The following GLP1R variants were observed in gnomAD, a reference collection of about 807,000 sequenced individuals.
GLP1R encodes the protein glucagon like peptide 1 receptor, also known as glucagon-like peptide 1 receptor.
In GLP1R, 32 loss-of-function variants were observed where a neutral mutation model predicts 68.4. The observed-to-expected ratio is 0.47, with a 90% CI of 0.35 to 0.63. The LOEUF is 0.63. GLP1R is among the 20% of genes least tolerant of loss of function. GLP1R has a pLI of 0.00. For missense variants in GLP1R, 502 were observed against 594.9 expected (o/e 0.84, Z 1.62); for synonymous variants, 263 against 244.4 (o/e 1.08, Z -0.71).
At chr6:39,065,603 C>A in intron 3 of GLP1R, 108 bp from the exon 4 acceptor site, 1 of 656,184 alleles carries the variant, frequency 1.5e-6, no homozygotes, top group South Asian at 1.8e-5. Flanking sequence ...GTAGTCCATT[C>A]TGGGGGAGCA....
intron 3 of GLP1R, among the ~76,000 whole-genome samples, chr6:39,063,941 ACACACACACACACACACACACC>A (rs1356248690): frequency 2.1e-5 from 3 of 141,004 alleles, no homozygotes; most frequent in East Asian, 4.3e-4. Flanking sequence ...ACACACACAC[ACACACACACACACACACACACC>A]CCACATTAAT....
chr6:39,069,547 G>T (rs1768602833), intron 5 of GLP1R, among the ~76,000 whole-genome samples: 1 of 140,222 alleles, frequency 7.1e-6, no homozygotes, highest in Admixed American at 7.4e-5. Context: ...GCAGGAGAAT[G>T]GCGTGAACCT....
rs928703482 is a variant in GLP1R at position 39,089,911 on chromosome 6, G to A, written c.*3838G>A. ...TGCTTACCCTGCTTTTGGCTCCTAC[G>A]AGGCAAACTATAAAAATTCTCAAAT... On this transcript the variant is annotated 3_prime_UTR_variant, in exon 13 of 13. Transcript: ENST00000373256. The surrounding 1 kb of genome is among the most constrained non-coding windows in gnomAD (Gnocchi z 4.1). Among the ~76,000 whole-genome samples, 3 of 152,118 alleles carry A rather than the reference G, an allele frequency of 2.0e-5. No homozygotes were observed. Among genetic ancestry groups the A allele is most frequent in the African/African-American group, 7.2e-5 (3 of 41,410 alleles).
rs1768924238 is a variant in GLP1R, at chr6:39,079,245, C to G, written c.1043+45C>G. ...TTTACTGAGGACCCTCAGCAAGTGC[C>G]CCTTTCCTTCTAGCAGAGAGAGAGA... On this transcript the variant is annotated intron_variant, in intron 10 of 12. Coordinates refer to ENST00000373256, the MANE Select transcript of GLP1R (RefSeq NM_002062.5). This position sits in a 1 kb window ranked among gnomAD's most constrained non-coding sequence, Gnocchi z 4.5. 7.7e-7 allele frequency: 1 copy of G among 1,300,486 alleles called. No homozygotes were observed. The highest frequency in any genetic ancestry group is 1.1e-6 in the Non-Finnish European group (1 of 893,824). The allele number at this position is 1,300,486 out of a possible 1,614,324, so 80.6% of individuals were successfully genotyped here. A position where few individuals can be genotyped will look rare whatever the true frequency, so the allele number is the denominator to read the frequency against.
At chr6:39,082,057 A>G (rs1769023056) in intron 12 of GLP1R, among the ~76,000 whole-genome samples, 1 of 152,194 alleles carries the variant, frequency 6.6e-6, no homozygotes, top group East Asian at 1.9e-4. Flanking sequence ...TGATTCCCAG[A>G]GACAGGGGCC....
intron 3 of GLP1R, among the ~76,000 whole-genome samples, chr6:39,065,152 C>G (rs184813856): frequency 6.6e-5 from 10 of 151,384 alleles, no homozygotes; most frequent in Admixed American, 2.0e-4. Context: ...AGGGCTGTGT[C>G]TCTCTCTCTC....
intron 2 of GLP1R, 97 bp downstream of exon 2, chr6:39,056,590 C>T: frequency 1.5e-6 from 1 of 669,248 alleles, no homozygotes; most frequent in Non-Finnish European, 2.7e-6. Context: ...GAGCCATTTG[C>T]CTCTATAGGA....
chr6:39,053,335 G>A (rs767354537), intron 1 of GLP1R, among the ~76,000 whole-genome samples: 3 of 152,220 alleles, frequency 2.0e-5, no homozygotes, highest in African/African-American at 7.2e-5. Context: ...AGGGCATGGG[G>A]TCCAAAGCTT....
chr6:39,073,824 AC>A, intron 7 of GLP1R, 55 bp downstream of exon 7: 1 of 1,510,152 alleles, frequency 6.6e-7, no homozygotes, highest in Non-Finnish European at 9.2e-7. Context: ...GGAGACCTTG[AC>A]CCCTCTTCTA....
At chr6:39,059,470 A>G (rs552268170) in intron 3 of GLP1R, among the ~76,000 whole-genome samples, 40 of 152,032 alleles carry the variant, frequency 2.6e-4, no homozygotes, top group African/African-American at 9.2e-4. Flanking sequence ...GTCTGGGCAC[A>G]CCTCTAGGGA....
chr6:39,050,195 C>T (rs1583609990), intron 1 of GLP1R, among the ~76,000 whole-genome samples: 1 of 152,268 alleles, frequency 6.6e-6, no homozygotes, highest in East Asian at 1.9e-4. Context: ...ACCTTCCTCA[C>T]AGCGCCCCCA....
Position 39,090,939 on chromosome 6 carries a change from C to A in GLP1R, c.*4866C>A, listed in dbSNP as rs1052344924. On this transcript the variant is annotated 3_prime_UTR_variant, in exon 13 of 13. Transcript: ENST00000373256. ...AGTTTACACTTTACCTCCAAACCTGCAGTTCTAAGCTACTCCACTAAAATA... is the reference window on the plus strand; with the variant it reads ...AGTTTACACTTTACCTCCAAACCTGAAGTTCTAAGCTACTCCACTAAAATA... 6.6e-6 allele frequency among the ~76,000 whole-genome samples: 1 copy of A among 152,166 alleles called. No homozygotes were observed. The highest frequency in any genetic ancestry group is 1.5e-5 in the Non-Finnish European group (1 of 68,026).
intron 3 of GLP1R, among the ~76,000 whole-genome samples, chr6:39,064,379 T>C (rs1768441856): frequency 6.6e-6 from 1 of 152,050 alleles, no homozygotes. Flanking sequence ...TCTGGTGCCT[T>C]CTCCATTCTC....
At chr6:39,062,122 T>C (rs1468165184) in intron 3 of GLP1R, among the ~76,000 whole-genome samples, 2 of 152,202 alleles carry the variant, frequency 1.3e-5, no homozygotes, top group Non-Finnish European at 2.9e-5. Context: ...AGGGCGGCTG[T>C]TAGCTTGATT....
At chr6:39,055,220 G>A (rs1183860433) in intron 1 of GLP1R, among the ~76,000 whole-genome samples, 5 of 152,218 alleles carry the variant, frequency 3.3e-5, no homozygotes, top group East Asian at 1.9e-4. Flanking sequence ...AGGCAAGGGG[G>A]CAAGCTTCTA....
intron 1 of GLP1R, among the ~76,000 whole-genome samples, chr6:39,056,026 G>T (rs946046873): frequency 1.3e-5 from 2 of 152,172 alleles, no homozygotes; most frequent in African/African-American, 4.8e-5. Context: ...GCGCCAGAAG[G>T]AGCTTAGAGT....
intron 5 of GLP1R, among the ~76,000 whole-genome samples, chr6:39,072,226 A>T (rs1768688500): frequency 6.6e-6 from 1 of 152,134 alleles, no homozygotes; most frequent in African/African-American, 2.4e-5. Context: ...CCCTTGCCTT[A>T]TTATAGTGGG....
intron 7 of GLP1R, among the ~76,000 whole-genome samples, chr6:39,077,288 G>C (rs907448227): frequency 2.6e-5 from 4 of 152,160 alleles, no homozygotes; most frequent in African/African-American, 9.7e-5. Flanking sequence ...CTAGGATCAG[G>C]GCACTCTCAG....
At position 39,086,835 on chromosome 6, in the gene GLP1R, A is replaced by AGGCTT. The variant is rs1158421041; in HGVS notation, c.*763_*764insGCTTG. On this transcript the variant is annotated 3_prime_UTR_variant, in exon 13 of 13. Transcript: ENST00000373256. The surrounding 1 kb of genome is among the most constrained non-coding windows in gnomAD (Gnocchi z 4.5). The stretch of plus-strand genomic sequence containing the variant: ...GGGCAGGCTTGCCACCGGGGAACCC[A>AGGCTT]GCCCTGGGGTATGAGCTGCCAAGTC... The AGGCTT allele has an allele frequency of 6.6e-6, 1 of 152,600 alleles. No individual in the cohort carries two copies. The highest frequency in any genetic ancestry group is 2.4e-5 in the African/African-American group (1 of 41,424). The allele number at this position is 152,600 out of a possible 1,614,324, so 9.5% of individuals were successfully genotyped here. A position where few individuals can be genotyped will look rare whatever the true frequency, so the allele number is the denominator to read the frequency against.
Sources: gnomAD v4.1 joint callset for allele counts (sites outside exome capture counted in the v4.1 genomes callset) on GRCh38, gnomAD v4.1.1 for gene constraint, Gnocchi (gnomAD v3.1) non-coding constraint, MANE v1.5 for transcripts, NCBI Gene and HGNC (gene_info 2026-07-23, HGNC 2026-07-21) for gene names.